The following CFAP61 variants were observed in gnomAD, a reference collection of about 807,000 sequenced individuals.
CFAP61 encodes cilia- and flagella-associated protein 61.
In CFAP61, 107 loss-of-function variants were observed where a neutral mutation model predicts 135.6. That is an observed-to-expected ratio of 0.79 (90% CI 0.67 to 0.93). The LOEUF is 0.93. CFAP61 is among the 40% of genes least tolerant of loss of function. CFAP61 has a pLI of 0.00. For synonymous variants in CFAP61, 575 were observed against 578.5 expected (o/e 0.99, Z 0.09); for missense variants, 1,507 against 1,556.2 (o/e 0.97, Z 0.53).
intron 25 of CFAP61, among the ~76,000 whole-genome samples, chr20:20,300,546 A>G (rs1266178489): frequency 6.6e-6 from 1 of 152,048 alleles, no homozygotes; most frequent in African/African-American, 2.4e-5. Flanking sequence ...GTAAATAAGG[A>G]CATAGATGAA....
rs150552789 is a variant in CFAP61 at position 20,054,270 on chromosome 20, A to T, written c.-37+1679A>T. ...TTTAAAGTGATTGTTTAGGTTTATC[A>T]GTCTAGGTTAATGGTTATTTTTTCC... On this transcript the variant is annotated intron_variant, in intron 1 of 26. Transcript: ENST00000245957. 4.2e-4 allele frequency among the ~76,000 whole-genome samples: 64 copies of T among 151,934 alleles called. No individual in the cohort carries two copies. In the East Asian group the frequency reaches 0.012, roughly 27 times the overall value.
At chr20:20,331,938 C>T (rs1487196352) in intron 25 of CFAP61, among the ~76,000 whole-genome samples, 2 of 152,162 alleles carry the variant, frequency 1.3e-5, no homozygotes, top group Non-Finnish European at 2.9e-5. Flanking sequence ...GAAGCTGAAG[C>T]ACTAAGAGCT....
chr20:20,235,270 C>T (rs912033747), intron 18 of CFAP61, among the ~76,000 whole-genome samples: 10 of 152,128 alleles, frequency 6.6e-5, no homozygotes, highest in African/African-American at 2.4e-4. Context: ...TTTCTTGAGA[C>T]TCCCAAACTC....
chr20:20,152,566 G>A (rs571387163), intron 9 of CFAP61, among the ~76,000 whole-genome samples: 93 of 152,262 alleles, frequency 6.1e-4, no homozygotes, highest in African/African-American at 2.2e-3. Context: ...ATGAGGAAGA[G>A]TAACTATTTT....
intron 13 of CFAP61, among the ~76,000 whole-genome samples, chr20:20,178,438 AG>A (rs1303663153): frequency 6.6e-6 from 1 of 152,184 alleles, no homozygotes; most frequent in Non-Finnish European, 1.5e-5. Context: ...ATTCATTAGC[AG>A]AGAACATATT....
chr20:20,157,051 A>G (rs1320438448), intron 9 of CFAP61, among the ~76,000 whole-genome samples: 1 of 152,186 alleles, frequency 6.6e-6, no homozygotes, highest in Non-Finnish European at 1.5e-5. Flanking sequence ...AAGCTGTAGG[A>G]TAACACTAAC....
intron 20 of CFAP61, among the ~76,000 whole-genome samples, chr20:20,260,012 C>A (rs1346379903): frequency 6.6e-6 from 1 of 152,156 alleles, no homozygotes; most frequent in Non-Finnish European, 1.5e-5. Context: ...TTAAATATAA[C>A]CAAGCCCTTA....
At chr20:20,328,654 C>T (rs1366415199) in intron 25 of CFAP61, among the ~76,000 whole-genome samples, 2 of 151,900 alleles carry the variant, frequency 1.3e-5, no homozygotes, top group Non-Finnish European at 2.9e-5. Flanking sequence ...GGGTTAATAT[C>T]CAAAATATAT....
chr20:20,138,152 CCT>C (rs2051082977), intron 8 of CFAP61, among the ~76,000 whole-genome samples: 1 of 152,152 alleles, frequency 6.6e-6, no homozygotes, highest in South Asian at 2.1e-4. Flanking sequence ...TCTTCACTCC[CCT>C]CTCCTCTTTT....
intron 1 of CFAP61, chr20:20,055,978 CCTT>C: frequency 6.2e-7 from 1 of 1,610,598 alleles, no homozygotes; most frequent in South Asian, 1.1e-5. Context: ...CCCAAAGTGT[CCTT>C]CTGGAACGTT....
At chr20:20,226,616 G>T (rs1196701391) in intron 17 of CFAP61, among the ~76,000 whole-genome samples, 1 of 152,190 alleles carries the variant, frequency 6.6e-6, no homozygotes, top group Non-Finnish European at 1.5e-5. Context: ...TTCTCTTGGG[G>T]CTTCAACCTG....
intron 17 of CFAP61, among the ~76,000 whole-genome samples, chr20:20,208,918 C>T (rs149529815): frequency 6.6e-6 from 1 of 152,298 alleles, no homozygotes; most frequent in Non-Finnish European, 1.5e-5. Context: ...CAAGGCACCC[C>T]CTCCATCTGT....
At chr20:20,224,353 C>T (rs368114619) in intron 17 of CFAP61, among the ~76,000 whole-genome samples, 36 of 152,260 alleles carry the variant, frequency 2.4e-4, no homozygotes, top group South Asian at 1.0e-3. Flanking sequence ...CATTCCTCCC[C>T]GCCCCGCAAC....
At chr20:20,053,009 A>G (rs2043882722) in intron 1 of CFAP61, among the ~76,000 whole-genome samples, 4 of 152,342 alleles carry the variant, frequency 2.6e-5, no homozygotes, top group South Asian at 2.1e-4. Context: ...GAAAAAATAT[A>G]AATAGAGTAA....
At chr20:20,288,587 G>GCTGTAATT in intron 22 of CFAP61, 22 bp from the exon 23 acceptor site, 1 of 1,578,382 alleles carries the variant, frequency 6.3e-7, no homozygotes, top group Non-Finnish European at 8.7e-7. Flanking sequence ...ACTGAATATT[G>GCTGTAATT]CTGTAATTGT....
Position 20,228,238 on chromosome 20 carries a change from T to G in CFAP61, c.1933-11T>G. 1 of 1,591,834 alleles carries G rather than the reference T, an allele frequency of 6.3e-7. No homozygotes were observed. Among genetic ancestry groups the G allele is most frequent in the Non-Finnish European group, 8.6e-7 (1 of 1,162,772 alleles). ...TTTGACTCCTTCTTTGTCTTCGTAT[T>G]TTTTTTCCAGATGAGTTATGCTTTA... On this transcript the variant is annotated splice_polypyrimidine_tract_variant and intron_variant, in intron 17 of 26. Transcript: ENST00000245957.
At chr20:20,161,978 G>A (rs968042900) in intron 10 of CFAP61, among the ~76,000 whole-genome samples, 1 of 152,140 alleles carries the variant, frequency 6.6e-6, no homozygotes, top group Non-Finnish European at 1.5e-5. Flanking sequence ...TTATTATTGT[G>A]CAGTTCTGGA....
intron 9 of CFAP61, among the ~76,000 whole-genome samples, chr20:20,144,943 A>G (rs2051747711): frequency 6.6e-6 from 1 of 152,206 alleles, no homozygotes. Flanking sequence ...TCTTTCATTC[A>G]AAATAAAATA....
intron 21 of CFAP61, among the ~76,000 whole-genome samples, chr20:20,267,001 C>G (rs2052802396): frequency 6.6e-6 from 1 of 152,130 alleles, no homozygotes; most frequent in Non-Finnish European, 1.5e-5. Context: ...GAGTAGAAGT[C>G]TCAGCCCTTG....
Sources: allele counts gnomAD v4.1 joint callset (sites outside exome capture counted in the v4.1 genomes callset), GRCh38; gene constraint gnomAD v4.1.1; transcripts MANE v1.5; gene names NCBI Gene and HGNC (gene_info 2026-07-23, HGNC 2026-07-21).